Variants in GHR observed in about 807,000 individuals in gnomAD.
GHR encodes growth hormone receptor.
GHR carries 35 observed loss-of-function variants against 67.1 expected under a neutral mutation model. That is an observed-to-expected ratio of 0.52 (90% CI 0.40 to 0.69). GHR has a LOEUF of 0.69. Among genes scored for constraint, GHR ranks in the 30% least tolerant of loss-of-function variants. The pLI is 0.00. For synonymous variants in GHR, 272 were observed against 269.1 expected (o/e 1.01, Z -0.10); for missense variants, 792 against 764.6 (o/e 1.04, Z -0.42).
At chr5:42,501,294 C>G (rs569733153) in intron 1 of GHR, among the ~76,000 whole-genome samples, 1 of 152,192 alleles carries the variant, frequency 6.6e-6, no homozygotes, top group South Asian at 2.1e-4. Context: ...GTCATGCTTA[C>G]TTTAAAACAT....
At chr5:42,526,786 A>G (rs1579872040) in intron 1 of GHR, among the ~76,000 whole-genome samples, 1 of 152,154 alleles carries the variant, frequency 6.6e-6, no homozygotes, top group Non-Finnish European at 1.5e-5. Flanking sequence ...TAATCATCAG[A>G]TTTTCCAAGG....
chr5:42,631,676 A>G (rs1753936430), intron 3 of GHR, among the ~76,000 whole-genome samples: 1 of 152,210 alleles, frequency 6.6e-6, no homozygotes. Context: ...GTTTAATATG[A>G]AAAGTTAGTG....
At chr5:42,465,461 C>A (rs1455727429) in intron 1 of GHR, 2 of 1,582,892 alleles carry the variant, frequency 1.3e-6, no homozygotes, top group African/African-American at 2.7e-5. Context: ...CTCTTTTGGA[C>A]CCTCCTCTTT....
intron 1 of GHR, among the ~76,000 whole-genome samples, chr5:42,538,705 T>C (rs1006776934): frequency 2.6e-5 from 4 of 152,304 alleles, no homozygotes; most frequent in South Asian, 2.1e-4. Flanking sequence ...GTGCTTCTTA[T>C]ATTTAGATAT....
At chr5:42,604,103 A>T (rs1384911492) in intron 2 of GHR, among the ~76,000 whole-genome samples, 1 of 152,238 alleles carries the variant, frequency 6.6e-6, no homozygotes, top group Non-Finnish European at 1.5e-5. Context: ...AAGGTCAGGA[A>T]GGGTCATGAG....
chr5:42,664,748 T>C (rs562389275), intron 3 of GHR, among the ~76,000 whole-genome samples: 1 of 151,750 alleles, frequency 6.6e-6, no homozygotes, highest in East Asian at 1.9e-4. Context: ...ACAAATGGGG[T>C]CTAATTAAAC....
intron 2 of GHR, among the ~76,000 whole-genome samples, chr5:42,597,622 C>T (rs908498334): frequency 6.6e-6 from 1 of 152,188 alleles, no homozygotes; most frequent in African/African-American, 2.4e-5. Flanking sequence ...AATTATCAGC[C>T]TGAAGGCAGG....
chr5:42,463,254 G>A (rs1197092141), intron 1 of GHR, among the ~76,000 whole-genome samples: 1 of 152,214 alleles, frequency 6.6e-6, no homozygotes, highest in African/African-American at 2.4e-5. Context: ...TGCTATAAAT[G>A]TATATTGAGA....
At chr5:42,617,029 C>T (rs1162076437) in intron 2 of GHR, among the ~76,000 whole-genome samples, 1 of 151,894 alleles carries the variant, frequency 6.6e-6, no homozygotes, top group Non-Finnish European at 1.5e-5. Context: ...CAGACAAGGA[C>T]TTAAAAGATC....
chr5:42,523,569 A>T (rs558104286), intron 1 of GHR, among the ~76,000 whole-genome samples: 1 of 152,226 alleles, frequency 6.6e-6, no homozygotes, highest in East Asian at 1.9e-4. Context: ...GGGGAACTTA[A>T]TCACTAAATG....
chr5:42,450,921 A>G (rs574233525), intron 1 of GHR, among the ~76,000 whole-genome samples: 2 of 152,254 alleles, frequency 1.3e-5, no homozygotes, highest in South Asian at 2.1e-4. Context: ...TTTAATGTCC[A>G]TGTATTTCTA....
intron 2 of GHR, among the ~76,000 whole-genome samples, chr5:42,569,909 G>A (rs1348410513): frequency 6.6e-6 from 1 of 152,070 alleles, no homozygotes; most frequent in Non-Finnish European, 1.5e-5. Flanking sequence ...CATCCTAAGG[G>A]AACCAAGAGC....
chr5:42,490,787 A>G (rs1424868013), intron 1 of GHR, among the ~76,000 whole-genome samples: 3 of 152,232 alleles, frequency 2.0e-5, no homozygotes, highest in Non-Finnish European at 4.4e-5. Flanking sequence ...AAATACAGAT[A>G]TCATAGCCTA....
At chr5:42,644,030 A>G (rs1322368749) in intron 3 of GHR, among the ~76,000 whole-genome samples, 1 of 152,158 alleles carries the variant, frequency 6.6e-6, no homozygotes, top group Admixed American at 6.6e-5. Flanking sequence ...GTTAATAAAT[A>G]TAAAAGAAAT....
Position 42,451,916 on chromosome 5 carries a change from T to C in GHR, c.-12+27961T>C, listed in dbSNP as rs111383143. 2.5e-3 allele frequency among the ~76,000 whole-genome samples: 379 copies of C among 152,342 alleles called. 2 individuals are homozygous for C. Among genetic ancestry groups the C allele is most frequent in the African/African-American group, 8.7e-3 (360 of 41,586 alleles). ...AGGCCATTTGCTTTCAATGTTAGTA[T>C]TGACATATAAGGTACTGTTCTATTC... On this transcript the variant is annotated intron_variant, in intron 1 of 9. Coordinates refer to ENST00000230882, the MANE Select transcript of GHR (RefSeq NM_000163.5).
intron 2 of GHR, among the ~76,000 whole-genome samples, chr5:42,577,933 C>T (rs536579696): frequency 7.9e-5 from 12 of 152,120 alleles, no homozygotes; most frequent in South Asian, 2.1e-4. Context: ...TTATATAGTA[C>T]GTTAAGTAAA....
At chr5:42,627,197 A>ACTT (rs1753744495) in intron 2 of GHR, among the ~76,000 whole-genome samples, 1 of 152,030 alleles carries the variant, frequency 6.6e-6, no homozygotes, top group African/African-American at 2.4e-5. Context: ...CTAAAAATAA[A>ACTT]CTTTTTTTAC....
chr5:42,680,640 G>A (rs1756815478), intron 3 of GHR, among the ~76,000 whole-genome samples: 1 of 151,876 alleles, frequency 6.6e-6, no homozygotes. Context: ...GAGTAGCTGG[G>A]ATTACAGGTA....
At chr5:42,471,542 C>T (rs1229294354) in intron 1 of GHR, among the ~76,000 whole-genome samples, 2 of 152,196 alleles carry the variant, frequency 1.3e-5, no homozygotes, top group African/African-American at 4.8e-5. Context: ...GTGGTTAACA[C>T]ACATAGAAAA....
Sources: allele counts gnomAD v4.1 joint callset (sites outside exome capture counted in the v4.1 genomes callset), GRCh38; gene constraint gnomAD v4.1.1; transcripts MANE v1.5; gene names NCBI Gene and HGNC (gene_info 2026-07-23, HGNC 2026-07-21).